The following PCDH7 variants were observed in gnomAD, a reference collection of about 807,000 sequenced individuals.
PCDH7 encodes the protein protocadherin-7.
In PCDH7, 17 loss-of-function variants were observed where a neutral mutation model predicts 58.9. The observed-to-expected ratio is 0.29, with a 90% CI of 0.20 to 0.43. PCDH7 has a LOEUF of 0.43. Ranked by LOEUF, PCDH7 falls within the 20% of genes least tolerant of loss-of-function variation. The pLI, the probability that PCDH7 is intolerant of heterozygous loss-of-function variation, is 1.00. For synonymous variants in PCDH7, 664 were observed against 616.4 expected (o/e 1.08, Z -1.14); for missense variants, 1,274 against 1,441.0 (o/e 0.88, Z 1.88).
intron 3 of PCDH7, among the ~76,000 whole-genome samples, chr4:31,112,168 T>C (rs955833025): frequency 5.9e-5 from 9 of 152,224 alleles, no homozygotes; most frequent in African/African-American, 2.2e-4. Flanking sequence ...ACTTAGTTTC[T>C]AGTGATAGAA....
chr4:31,057,360 C>T (rs920445063), intron 3 of PCDH7, among the ~76,000 whole-genome samples: 2 of 152,124 alleles, frequency 1.3e-5, no homozygotes, highest in African/African-American at 2.4e-5. Context: ...ATAGAACAAG[C>T]ATTGTCACTT....
chr4:30,953,929 G>T (rs981485434), intron 3 of PCDH7, among the ~76,000 whole-genome samples: 6 of 152,040 alleles, frequency 3.9e-5, no homozygotes, highest in African/African-American at 1.4e-4. Context: ...TAATTGACTT[G>T]ATTGACTGAT....
chr4:30,968,375 A>ATATATAGTGTGT (rs1560541525), intron 3 of PCDH7, among the ~76,000 whole-genome samples: 41 of 71,724 alleles, frequency 5.7e-4, no homozygotes, highest in African/African-American at 2.0e-3. Flanking sequence ...ATATACACAC[A>ATATATAGTGTGT]CTATATATAT....
intron 3 of PCDH7, among the ~76,000 whole-genome samples, chr4:31,048,745 T>A (rs1050051583): frequency 2.0e-5 from 3 of 151,870 alleles, no homozygotes; most frequent in African/African-American, 7.3e-5. Flanking sequence ...AGGCAAAGCT[T>A]AATTCTGTAA....
chr4:31,135,331 C>T (rs1719468211), intron 3 of PCDH7, among the ~76,000 whole-genome samples: 1 of 152,128 alleles, frequency 6.6e-6, no homozygotes, highest in South Asian at 2.1e-4. Flanking sequence ...GTAAAGATAA[C>T]TCCAAATAAT....
intron 3 of PCDH7, among the ~76,000 whole-genome samples, chr4:31,072,086 C>A (rs1170463931): frequency 6.6e-6 from 1 of 151,956 alleles, no homozygotes; most frequent in African/African-American, 2.4e-5. Flanking sequence ...TGGCTGCACA[C>A]TAGCACACCT....
In PCDH7 at chr4:31,011,334, C is replaced by T. The variant is rs377131465; in HGVS notation, c.*7+61119C>T. 6.6e-5 allele frequency among the ~76,000 whole-genome samples: 10 copies of T among 152,070 alleles called. 1 individual carries two copies. In the East Asian group the frequency reaches 1.2e-3, roughly 18 times the overall value. On this transcript the variant is annotated intron_variant, in intron 3 of 3. Coordinates refer to the PCDH7 transcript ENST00000509759. ...TTTATTCAGTATGTCAGTTGAAATA[C>T]GGTCACTATTCTTGGAACTTGTTCT...
chr4:30,906,215 T>G (rs2109399841), intron 1 of PCDH7, among the ~76,000 whole-genome samples: 1 of 152,306 alleles, frequency 6.6e-6, no homozygotes, highest in Non-Finnish European at 1.5e-5. Context: ...TTTCAGTCAT[T>G]TAGTCACTGA....
At chr4:31,140,937 G>A (rs1227292142) in intron 3 of PCDH7, among the ~76,000 whole-genome samples, 1 of 152,152 alleles carries the variant, frequency 6.6e-6, no homozygotes, top group Non-Finnish European at 1.5e-5. Flanking sequence ...TAGATTTCCG[G>A]TGTAGAACAC....
At chr4:30,772,117 G>T (rs896747139) in intron 1 of PCDH7, among the ~76,000 whole-genome samples, 1 of 152,064 alleles carries the variant, frequency 6.6e-6, no homozygotes, top group East Asian at 1.9e-4. Context: ...TGATCCGCCC[G>T]CCTAAGACTC....
chr4:30,724,279 A>G (rs769823493), exon 1 of PCDH7: 1 of 1,613,476 alleles, frequency 6.2e-7, no homozygotes, highest in Non-Finnish European at 8.5e-7. Flanking sequence ...CAGCATTGTC[A>G]CTGTGGAGGC....
chr4:31,034,749 G>A (rs1366666555), intron 3 of PCDH7, among the ~76,000 whole-genome samples: 1 of 152,124 alleles, frequency 6.6e-6, no homozygotes, highest in Non-Finnish European at 1.5e-5. Context: ...GACCCAGAGG[G>A]CAGGGAGCAT....
chr4:30,986,469 A>G (rs1750975693), intron 3 of PCDH7, among the ~76,000 whole-genome samples: 1 of 152,180 alleles, frequency 6.6e-6, no homozygotes, highest in African/African-American at 2.4e-5. Context: ...GCATAAAATG[A>G]TTCACTATTA....
At chr4:30,829,687 A>T (rs1352057354) in intron 1 of PCDH7, among the ~76,000 whole-genome samples, 1 of 152,114 alleles carries the variant, frequency 6.6e-6, no homozygotes, top group African/African-American at 2.4e-5. Context: ...AGATAAGACT[A>T]TGACAATGTC....
chr4:30,814,008 G>A (rs561187678), intron 1 of PCDH7, among the ~76,000 whole-genome samples: 43 of 152,218 alleles, frequency 2.8e-4, no homozygotes, highest in African/African-American at 9.1e-4. Flanking sequence ...ATCTGTGACC[G>A]AAGCTATGAA....
intron 1 of PCDH7, among the ~76,000 whole-genome samples, chr4:30,762,545 A>T (rs1206010860): frequency 1.3e-5 from 2 of 152,018 alleles, no homozygotes; most frequent in East Asian, 1.9e-4. Context: ...TTGGCTGATT[A>T]AAAAAAAGGA....
At chr4:30,936,861 C>A (rs758634902) in intron 2 of PCDH7, among the ~76,000 whole-genome samples, 2 of 151,574 alleles carry the variant, frequency 1.3e-5, no homozygotes, top group Admixed American at 6.6e-5. Flanking sequence ...AGAAATATAC[C>A]CAAAATAAGG....
At chr4:30,844,075 G>C (rs1731593479) in intron 1 of PCDH7, among the ~76,000 whole-genome samples, 1 of 152,136 alleles carries the variant, frequency 6.6e-6, no homozygotes, top group Admixed American at 6.6e-5. Flanking sequence ...TAGCTGAAAA[G>C]TTGAGAATGT....
At chr4:30,987,745 G>C (rs1484303022) in intron 3 of PCDH7, 3 of 151,760 alleles carry the variant, frequency 2.0e-5, no homozygotes, top group Admixed American at 6.6e-5. Context: ...GAAATATTTT[G>C]AGACATAATA....
Sources: gnomAD v4.1 joint callset for allele counts (sites outside exome capture counted in the v4.1 genomes callset) on GRCh38, gnomAD v4.1.1 for gene constraint, MANE v1.5 for transcripts, NCBI Gene and HGNC (gene_info 2026-07-23, HGNC 2026-07-21) for gene names.